The following PAX6 variants were observed in gnomAD, a reference collection of about 807,000 sequenced individuals.
The protein encoded by PAX6 is paired box 6.
Under a neutral mutation model 60.7 loss-of-function variants are expected in PAX6, and 7 were observed. The ratio of observed to expected loss-of-function variants is 0.12; its 90% confidence interval spans 0.07 to 0.22. The LOEUF (loss-of-function observed/expected upper bound fraction) is 0.22. PAX6 is among the 10% of genes least tolerant of loss of function. PAX6 has a pLI of 1.00. For missense variants in PAX6, 355 were observed against 555.2 expected (o/e 0.64, Z 3.62); for synonymous variants, 208 against 201.2 (o/e 1.03, Z -0.29).
At chr11:31,815,328 C>T (rs557400611), upstream of PAX6, among the ~76,000 whole-genome samples, 5 of 152,206 alleles carry the variant, frequency 3.3e-5, no homozygotes, top group Non-Finnish European at 7.3e-5. Flanking sequence ...TAACCTCTGC[C>T]CCCAAGAGGC....
upstream of PAX6, among the ~76,000 whole-genome samples, chr11:31,813,387 G>A (rs1957218228): frequency 5.0e-5 from 5 of 100,604 alleles, no homozygotes; most frequent in South Asian, 2.4e-3. Context: ...CTTGCGGGGG[G>A]GCGGGGGGGG....
intron 2 of PAX6, chr11:31,808,137 C>T (rs1956280408): frequency 6.6e-6 from 1 of 152,016 alleles, no homozygotes; most frequent in Non-Finnish European, 1.5e-5. Flanking sequence ...AGCATCATTT[C>T]TCTCTGTTTT....
chr11:31,793,933 A>G (rs2239790), intron 10 of PAX6, 99 bp downstream of exon 10: 6 of 1,261,192 alleles, frequency 4.8e-6, no homozygotes, highest in Non-Finnish European at 7.0e-6. Context: ...TTATTATATT[A>G]GTCCTATAAA....
chr11:31,789,468 A>C lies in PAX6; in HGVS notation c.*466T>G, dbSNP rs1044580021. Reference sequence around the variant, plus strand: ...TAATTATATGCAAAGGAATGATACAAACTTGGAACATCAGTCCATAAACTA... The same window carrying C: ...TAATTATATGCAAAGGAATGATACACACTTGGAACATCAGTCCATAAACTA... On this transcript the variant is annotated 3_prime_UTR_variant, in exon 14 of 14. Coordinates refer to ENST00000640368, the MANE Select transcript of PAX6 (RefSeq NM_001368894.2). The C allele has an allele frequency of 4.1e-6, 2 of 491,410 alleles. No individual in the cohort carries two copies. The highest frequency in any genetic ancestry group is 7.5e-5 in the Admixed American group (2 of 26,578). 30.4% of individuals were successfully genotyped at this position (491,410 alleles called of 1,614,324 possible). A position where few individuals can be genotyped will look rare whatever the true frequency, so the allele number is the denominator to read the frequency against.
chr11:31,796,524 G>C (rs994195959), intron 8 of PAX6, among the ~76,000 whole-genome samples: 1 of 149,416 alleles, frequency 6.7e-6, no homozygotes, highest in Non-Finnish European at 1.5e-5. Flanking sequence ...GAGGCAGGGA[G>C]AGTGGACGGG....
rs1418768428 is a variant in PAX6 at position 31,811,250 on chromosome 11, G to T, written c.-452C>A. 3 of 399,016 alleles carry T rather than the reference G, an allele frequency of 7.5e-6. No individual in the cohort carries two copies. Among genetic ancestry groups the T allele is most frequent in the Non-Finnish European group, 1.3e-5 (3 of 226,134 alleles). The allele number at this position is 399,016 out of a possible 1,614,324, so 24.7% of individuals were successfully genotyped here. On this transcript the variant is annotated 5_prime_UTR_variant, in exon 1 of 14. Transcript: ENST00000640368. ...CCTCCAGCAAAACACTTCCTCCTGC[G>T]CCTGAACCAGAGCGGGAAATGAGGC...
At chr11:31,806,597 C>A (rs557444020) in intron 3 of PAX6, 135 bp from the exon 4 acceptor site, 9 of 697,980 alleles carry the variant, frequency 1.3e-5, no homozygotes, top group Admixed American at 4.3e-5. Flanking sequence ...CCTCTTGGGG[C>A]GATCTGAGGG....
intron 9 of PAX6, 25 bp downstream of exon 9, chr11:31,794,605 T>C: frequency 5.0e-6 from 8 of 1,613,744 alleles, no homozygotes; most frequent in Non-Finnish European, 6.8e-6. Flanking sequence ...ATTTACTGCT[T>C]CTCTACTTTG....
rs749347174 is a variant in PAX6 at position 31,801,895 on chromosome 11, T to G, written c.159A>C (p.Lys53Asn). Residue 53 changes from lysine to asparagine, a missense_variant, in exon 6 of 14, where the codon AAA becomes AAC. Lys to Asn is a moderately conservative substitution (Grantham distance 94, BLOSUM62 0). Around this residue, in one of 5 missense-constraint regions of PAX6, gnomAD observed 41 missense variants for 77.1 expected, o/e 0.53. Coordinates refer to ENST00000640368, the MANE Select transcript of PAX6 (RefSeq NM_001368894.2). ...CGTTTTGATTGTCCAGCACTTGGAC[T>G]TTTGCATCTGCATGGGTCTATAACA... ...SRILQTHADA[K>N]VQVLDNQNVS... 6.2e-7 allele frequency: 1 copy of G among 1,614,052 alleles called. No individual in the cohort carries two copies. The highest frequency in any genetic ancestry group is 1.1e-5 in the South Asian group (1 of 91,072).
rs1057517783 is a variant in PAX6, at chr11:31,793,651, C to T, written c.958+1G>A. On this transcript the variant is annotated splice_donor_variant, in intron 11 of 13. Transcript: ENST00000640368. LOFTEE classifies it high-confidence loss of function. Reference sequence around the variant, plus strand: ...TTCGTAGTATTAGTATTTCAAATTACCCGGTGTGGTGGGTTGTGGAATTGG... The same window carrying T: ...TTCGTAGTATTAGTATTTCAAATTATCCGGTGTGGTGGGTTGTGGAATTGG... The T allele has an allele frequency of 6.2e-7, 1 of 1,614,178 alleles. No individual in the cohort carries two copies. The highest frequency in any genetic ancestry group is 8.5e-7 in the Non-Finnish European group (1 of 1,180,006).
At chr11:31,793,874 T>G in intron 10 of PAX6, 72 bp from the exon 11 acceptor site, 1 of 1,554,380 alleles carries the variant, frequency 6.4e-7, no homozygotes, top group Non-Finnish European at 8.9e-7. Flanking sequence ...CCTCCACTGC[T>G]GCCCTCCCCA....
At chr11:31,814,900 C>T (rs1293423245), upstream of PAX6, 1 of 155,274 alleles carries the variant, frequency 6.4e-6, no homozygotes, top group Non-Finnish European at 1.4e-5. Flanking sequence ...GGTGCCCTCG[C>T]CCTTCCTCGC....
At chr11:31,816,345 G>T in intron 1 of PAX6, 1 of 555,298 alleles carries the variant, frequency 1.8e-6, no homozygotes. Context: ...TATCACGGGC[G>T]CCCTCCGATC....
chr11:31,802,782 C>T lies in PAX6; in HGVS notation c.63G>A (p.Leu21=). Residue 21 remains leucine (L), a synonymous_variant, in exon 5 of 14, where the codon CTG becomes CTA. Transcript: ENST00000640368. ...LGGVFVNGRP[L]PDSTRQKIVE... ...CAATCTTCTGCCGGGTGGAGTCCGG[C>T]AGTGGCCGCCCGTTGACAAAGACAC... 1 of 1,614,054 alleles carries T rather than the reference C, an allele frequency of 6.2e-7. No homozygotes were observed. The highest frequency in any genetic ancestry group is 8.5e-7 in the Non-Finnish European group (1 of 1,180,026).
chr11:31,793,886 G>A (rs924174836), intron 10 of PAX6, 84 bp from the exon 11 acceptor site: 47 of 1,487,768 alleles, frequency 3.2e-5, no homozygotes, highest in Middle Eastern at 1.7e-4. Context: ...CCCTCCCCAC[G>A]CCCATGGCAG....
At chr11:31,813,218 C>T (rs1177028076), upstream of PAX6, 1 of 152,104 alleles carries the variant, frequency 6.6e-6, no homozygotes, top group Non-Finnish European at 1.5e-5. Context: ...TTTCATTTCG[C>T]AGGAGCGCGA....
intron 8 of PAX6, among the ~76,000 whole-genome samples, chr11:31,797,849 G>A (rs1445292905): frequency 1.3e-5 from 2 of 152,122 alleles, no homozygotes; most frequent in African/African-American, 4.8e-5. Flanking sequence ...TCGGAGCCGC[G>A]CAAAGCAGGG....
At chr11:31,797,499 TA>T (rs1273006099) in intron 8 of PAX6, among the ~76,000 whole-genome samples, 2 of 91,370 alleles carry the variant, frequency 2.2e-5, no homozygotes, top group African/African-American at 4.3e-5. Context: ...AGCTCAATTT[TA>T]AATCTGGAAA....
intron 12 of PAX6, 177 bp from the exon 13 acceptor site, chr11:31,791,037 C>T (rs1188945771): frequency 3.3e-5 from 24 of 734,878 alleles, no homozygotes; most frequent in Admixed American, 6.0e-5. Flanking sequence ...AGTCCTTCCA[C>T]TGGCCACAGC....
Sources: gnomAD v4.1 joint callset for allele counts (sites outside exome capture counted in the v4.1 genomes callset) on GRCh38, gnomAD v4.1.1 for gene constraint, gnomAD v4.1.1 regional missense constraint, MANE v1.5 for transcripts, NCBI Gene and HGNC (gene_info 2026-07-23, HGNC 2026-07-21) for gene names.